Variants in MINDY4 observed in about 807,000 individuals in gnomAD.
The protein encoded by MINDY4 is MINDY lysine 48 deubiquitinase 4.
In MINDY4, 68 loss-of-function variants were observed where a neutral mutation model predicts 87.0. The ratio of observed to expected loss-of-function variants is 0.78; its 90% CI spans 0.64 to 0.96. The LOEUF (loss-of-function observed/expected upper bound fraction) is 0.96, where lower values mean the gene tolerates loss of function less well. MINDY4 is among the 40% of genes least tolerant of loss of function. The probability of loss-of-function intolerance (pLI) is 0.00; values close to 1 mark genes in which losing one functional copy is unlikely to be tolerated. For synonymous variants in MINDY4, 379 were observed against 363.2 expected (o/e 1.04, Z -0.50); for missense variants, 919 against 928.2 (o/e 0.99, Z 0.13).
intron 13 of MINDY4, among the ~76,000 whole-genome samples, chr7:30,866,702 A>C (rs916107206): frequency 6.6e-6 from 1 of 152,210 alleles, no homozygotes; most frequent in Non-Finnish European, 1.5e-5. Context: ...CAGCAAGAAC[A>C]AAGCAGGCAA....
At chr7:30,834,454 G>A (rs2128564850) in intron 6 of MINDY4, among the ~76,000 whole-genome samples, 1 of 152,306 alleles carries the variant, frequency 6.6e-6, no homozygotes, top group East Asian at 1.9e-4. Flanking sequence ...GGGACCCTGG[G>A]CCCAGCCCAT....
intron 6 of MINDY4, among the ~76,000 whole-genome samples, chr7:30,829,016 C>T (rs1788610616): frequency 6.6e-6 from 1 of 152,156 alleles, no homozygotes. Context: ...TTTTTAGGGC[C>T]ATTCAGTAAT....
chr7:30,832,696 G>T (rs1261543042), intron 6 of MINDY4, among the ~76,000 whole-genome samples: 1 of 152,130 alleles, frequency 6.6e-6, no homozygotes, highest in Non-Finnish European at 1.5e-5. Flanking sequence ...TTTTAGTAGA[G>T]ATGGGGTTTC....
chr7:30,877,241 C>T (rs1326524594), intron 15 of MINDY4, among the ~76,000 whole-genome samples: 1 of 152,156 alleles, frequency 6.6e-6, no homozygotes, highest in Non-Finnish European at 1.5e-5. Flanking sequence ...GCAACCTTGG[C>T]TAGGCTCATG....
chr7:30,784,060 G>A (rs947691647), intron 3 of MINDY4, among the ~76,000 whole-genome samples: 1 of 152,120 alleles, frequency 6.6e-6, no homozygotes, highest in Admixed American at 6.5e-5. Flanking sequence ...CCTGAGGGTC[G>A]CTGAAGCTCA....
chr7:30,851,232 C>T (rs150508355), intron 10 of MINDY4, among the ~76,000 whole-genome samples: 262 of 152,252 alleles, frequency 1.7e-3, no homozygotes, highest in African/African-American at 5.9e-3. Context: ...TCTGGGGGCA[C>T]GTTGGTCACT....
In MINDY4 at chr7:30,878,267, C is replaced by A. The variant is rs1019493039; in HGVS notation, c.1971+2611C>A. Among the ~76,000 whole-genome samples, 4 of 152,192 alleles carry A rather than the reference C, an allele frequency of 2.6e-5. No homozygotes were observed. The East Asian group carries it at 7.7e-4, about 29-fold the overall frequency. On this transcript the variant is annotated intron_variant, in intron 15 of 17. Transcript: ENST00000265299. Reference sequence around the variant, plus strand: ...TCACTTGCAGCTTGTCTCCAGGCTTCTCACTGCAGCCTGGGGTTCTGGGGC... The same window carrying A: ...TCACTTGCAGCTTGTCTCCAGGCTTATCACTGCAGCCTGGGGTTCTGGGGC...
At chr7:30,799,924 T>G (rs1787597481) in intron 5 of MINDY4, among the ~76,000 whole-genome samples, 1 of 152,142 alleles carries the variant, frequency 6.6e-6, no homozygotes, top group African/African-American at 2.4e-5. Context: ...GGAGCATGAA[T>G]TGACTCAGAG....
chr7:30,773,767 T>C (rs1786716034), intron 1 of MINDY4, among the ~76,000 whole-genome samples: 1 of 152,150 alleles, frequency 6.6e-6, no homozygotes, highest in South Asian at 2.1e-4. Context: ...CCTGTCAAAA[T>C]TTCTAGCTTG....
intron 5 of MINDY4, chr7:30,803,194 G>A (rs1209213139): frequency 2.0e-5 from 3 of 152,232 alleles, no homozygotes; most frequent in African/African-American, 7.2e-5. Flanking sequence ...CATGGCACAT[G>A]TCACGCTGGA....
chr7:30,884,275 CG>C (rs895587013), intron 17 of MINDY4, among the ~76,000 whole-genome samples: 4 of 152,202 alleles, frequency 2.6e-5, no homozygotes, highest in African/African-American at 9.6e-5. Context: ...GAGACATCCT[CG>C]ACATGCTTTG....
chr7:30,872,436 C>T, intron 14 of MINDY4, 130 bp downstream of exon 14: 1 of 821,472 alleles, frequency 1.2e-6, no homozygotes, highest in South Asian at 1.6e-5. Flanking sequence ...ACTCTTCAAG[C>T]AGCTTTCACG....
intron 5 of MINDY4, among the ~76,000 whole-genome samples, chr7:30,820,953 T>A (rs1480476574): frequency 6.6e-6 from 1 of 152,178 alleles, no homozygotes; most frequent in African/African-American, 2.4e-5. Context: ...TTAACTGAAA[T>A]GTATTTTTTT....
intron 6 of MINDY4, among the ~76,000 whole-genome samples, chr7:30,835,584 C>A (rs1426517253): frequency 6.6e-6 from 1 of 152,186 alleles, no homozygotes; most frequent in Admixed American, 6.5e-5. Context: ...TCTAGGAGTT[C>A]CCCTTGTGCT....
At chr7:30,786,040 T>C in intron 4 of MINDY4, 48 bp downstream of exon 4, 3 of 1,605,570 alleles carry the variant, frequency 1.9e-6, no homozygotes, top group Non-Finnish European at 2.6e-6. Flanking sequence ...GGCTGAGAAC[T>C]GGGCTGGGCT....
chr7:30,776,587 G>C (rs1380505884), intron 1 of MINDY4, among the ~76,000 whole-genome samples: 1 of 152,140 alleles, frequency 6.6e-6, no homozygotes, highest in East Asian at 1.9e-4. Flanking sequence ...TCACTGCTCT[G>C]CCTCTAGCAA....
chr7:30,870,252 G>A (rs1790060713), intron 13 of MINDY4, among the ~76,000 whole-genome samples: 1 of 152,176 alleles, frequency 6.6e-6, no homozygotes, highest in Non-Finnish European at 1.5e-5. Flanking sequence ...ATGAAGATTG[G>A]ACTGCTTCTA....
chr7:30,855,036 G>C (rs1436220198), intron 12 of MINDY4, among the ~76,000 whole-genome samples: 3 of 152,248 alleles, frequency 2.0e-5, no homozygotes, highest in Non-Finnish European at 4.4e-5. Flanking sequence ...CCTGTCCCCA[G>C]CTCTGGTTTT....
At chr7:30,860,593 C>A (rs1484010129) in intron 13 of MINDY4, among the ~76,000 whole-genome samples, 1 of 152,084 alleles carries the variant, frequency 6.6e-6, no homozygotes, top group African/African-American at 2.4e-5. Context: ...GAGGGCCAGG[C>A]TCAATGATGC....
Sources: gnomAD v4.1 joint callset for allele counts (sites outside exome capture counted in the v4.1 genomes callset) on GRCh38, gnomAD v4.1.1 for gene constraint, MANE v1.5 for transcripts, NCBI Gene and HGNC (gene_info 2026-07-23, HGNC 2026-07-21) for gene names.